The following DCDC1 variants were observed in gnomAD, a reference collection of about 807,000 sequenced individuals.
The protein encoded by DCDC1 is doublecortin domain-containing protein 1.
DCDC1 carries 200 observed loss-of-function variants against 178.3 expected under a neutral mutation model. That is an observed-to-expected ratio of 1.12 (90% CI 1.00 to 1.26). The LOEUF (loss-of-function observed/expected upper bound fraction) is 1.26. Ranked by LOEUF, DCDC1 falls within the 50% of genes most tolerant of loss-of-function variation. The pLI is 0.00. For synonymous variants in DCDC1, 690 were observed against 604.8 expected, an observed-to-expected ratio of 1.14 and a Z score of -2.07; for missense variants, 1,983 against 1,749.2, an observed-to-expected ratio of 1.13 and a Z score of -2.38.
intron 18 of DCDC1, among the ~76,000 whole-genome samples, chr11:31,074,246 T>C (rs796300488): frequency 7.2e-5 from 11 of 152,270 alleles, no homozygotes; most frequent in African/African-American, 2.6e-4. Context: ...CCAGTAGTAT[T>C]CACTGTAAAC....
At chr11:30,874,582 T>C (rs1455581877) in intron 38 of DCDC1, among the ~76,000 whole-genome samples, 1 of 152,112 alleles carries the variant, frequency 6.6e-6, no homozygotes, top group East Asian at 1.9e-4. Context: ...TTTAGATTTT[T>C]AGAGGCACTA....
intron 6 of DCDC1, among the ~76,000 whole-genome samples, chr11:31,294,862 GAAAGAA>G (rs1947569925): frequency 1.2e-4 from 15 of 124,420 alleles, no homozygotes; most frequent in South Asian, 5.4e-4. Flanking sequence ...AAGAAAGAAA[GAAAGAA>G]AAAGAAAACA....
At chr11:31,031,721 CATT>C (rs1179424029) in intron 20 of DCDC1, among the ~76,000 whole-genome samples, 1 of 151,974 alleles carries the variant, frequency 6.6e-6, no homozygotes, top group African/African-American at 2.4e-5. Flanking sequence ...TTAATCATCA[CATT>C]ATTAGGTTCT....
chr11:31,149,163 G>C (rs1964846654), intron 9 of DCDC1, among the ~76,000 whole-genome samples: 1 of 152,164 alleles, frequency 6.6e-6, no homozygotes, highest in Non-Finnish European at 1.5e-5. Flanking sequence ...CCTGCAAATT[G>C]TGCTGCTATA....
At chr11:31,011,489 T>C (rs187760533) in intron 20 of DCDC1, among the ~76,000 whole-genome samples, 1 of 152,316 alleles carries the variant, frequency 6.6e-6, no homozygotes, top group Admixed American at 6.5e-5. Context: ...GAAGCCATCA[T>C]GACCAATAAC....
rs190339990 is a variant in DCDC1 at position 31,304,875 on chromosome 11, C to G, written c.754+740G>C. ...CAATTATCATACATAGCACTAGATA[C>G]CAAACTCTGGGTACAACATGCTTGG... is the stretch of plus-strand genomic sequence containing the variant. On this transcript the variant is annotated intron_variant, in intron 6 of 38. Coordinates refer to ENST00000684477, the MANE Select transcript of DCDC1 (RefSeq NM_001387274.1). Among the ~76,000 whole-genome samples, 343 of 152,196 alleles carry G rather than the reference C, an allele frequency of 2.3e-3. 4 individuals carry two copies. Among genetic ancestry groups the G allele is most frequent in the African/African-American group, 7.8e-3 (324 of 41,546 alleles).
chr11:31,173,841 A>C (rs1967600007), intron 9 of DCDC1, among the ~76,000 whole-genome samples: 1 of 152,078 alleles, frequency 6.6e-6, no homozygotes, highest in African/African-American at 2.4e-5. Flanking sequence ...GTTTTCATCA[A>C]GTTAGAATGT....
intron 9 of DCDC1, among the ~76,000 whole-genome samples, chr11:31,168,314 C>A (rs1342383779): frequency 6.6e-6 from 1 of 152,168 alleles, no homozygotes; most frequent in African/African-American, 2.4e-5. Flanking sequence ...AAATTTCCTA[C>A]CTTTGACTCC....
intron 9 of DCDC1, among the ~76,000 whole-genome samples, chr11:31,149,803 A>G (rs1200299860): frequency 6.6e-6 from 1 of 152,116 alleles, no homozygotes; most frequent in Non-Finnish European, 1.5e-5. Context: ...AGGAAGGAAG[A>G]AACTCCAGAC....
intron 27 of DCDC1, among the ~76,000 whole-genome samples, chr11:30,914,618 G>A: frequency 8.5e-6 from 1 of 117,238 alleles, no homozygotes; most frequent in East Asian, 2.5e-4. Context: ...TTAAAGAAAT[G>A]TTCCATATGC....
At chr11:31,131,335 C>T (rs1257207941) in intron 10 of DCDC1, among the ~76,000 whole-genome samples, 1 of 152,092 alleles carries the variant, frequency 6.6e-6, no homozygotes, top group Admixed American at 6.5e-5. Flanking sequence ...TGTTTATAGG[C>T]TATAAAATCC....
intron 20 of DCDC1, among the ~76,000 whole-genome samples, chr11:30,991,603 G>C (rs377181843): frequency 6.6e-5 from 10 of 152,020 alleles, no homozygotes; most frequent in African/African-American, 2.4e-4. Flanking sequence ...TACTCTAAAC[G>C]TAACTACACC....
intron 20 of DCDC1, among the ~76,000 whole-genome samples, chr11:31,025,515 G>A (rs1953164725): frequency 6.6e-6 from 1 of 151,668 alleles, no homozygotes; most frequent in South Asian, 2.1e-4. Flanking sequence ...AAAATTCAAT[G>A]AACTAAGCCA....
intron 18 of DCDC1, among the ~76,000 whole-genome samples, chr11:31,069,436 TG>T (rs766979306): frequency 6.6e-6 from 1 of 152,190 alleles, no homozygotes; most frequent in Non-Finnish European, 1.5e-5. Context: ...ACAATTCAAC[TG>T]AAAAGAATGT....
chr11:31,197,746 T>C (rs768295967), intron 9 of DCDC1, among the ~76,000 whole-genome samples: 2 of 152,080 alleles, frequency 1.3e-5, no homozygotes, highest in East Asian at 1.9e-4. Flanking sequence ...TTTACCCTTA[T>C]AATTACACGT....
chr11:31,359,144 T>C (rs1216005952), intron 1 of DCDC1, among the ~76,000 whole-genome samples: 7 of 151,586 alleles, frequency 4.6e-5, no homozygotes, highest in African/African-American at 7.3e-5. Context: ...CGTATGTTTA[T>C]TGTGGCACTA....
intron 2 of DCDC1, among the ~76,000 whole-genome samples, chr11:31,330,341 G>T (rs985003007): frequency 6.6e-6 from 1 of 152,158 alleles, no homozygotes; most frequent in Non-Finnish European, 1.5e-5. Flanking sequence ...CTCCCATTCT[G>T]TAGGTTGCCT....
chr11:31,012,575 G>A (rs184399232), intron 20 of DCDC1, among the ~76,000 whole-genome samples: 7 of 150,690 alleles, frequency 4.6e-5, no homozygotes, highest in Middle Eastern at 3.4e-3. Flanking sequence ...ATTGCATTCC[G>A]GCCTGGGTGA....
chr11:30,908,904 A>T, intron 29 of DCDC1, 42 bp downstream of exon 29: 1 of 1,527,120 alleles, frequency 6.5e-7, no homozygotes, highest in Non-Finnish European at 8.8e-7. Context: ...ACTCTCTTTT[A>T]CCCTATTTTT....
Sources: allele counts gnomAD v4.1 joint callset (sites outside exome capture counted in the v4.1 genomes callset), GRCh38; gene constraint gnomAD v4.1.1; transcripts MANE v1.5; gene names NCBI Gene and HGNC (gene_info 2026-07-23, HGNC 2026-07-21).